The following KDM6A variants were observed in gnomAD, a reference collection of about 807,000 sequenced individuals.
KDM6A encodes lysine demethylase 6A, also known as lysine-specific demethylase 6A.
KDM6A carries 11 observed loss-of-function variants against 117.6 expected under a neutral mutation model. That is an observed-to-expected ratio of 0.09 (90% CI 0.06 to 0.15). KDM6A has a LOEUF of 0.15. KDM6A is among the 10% of genes least tolerant of loss of function. KDM6A has a pLI of 1.00. For missense variants in KDM6A, 799 were observed against 1,077.3 expected, an observed-to-expected ratio of 0.74 and a Z score of 3.62; for synonymous variants, 384 against 396.1, an observed-to-expected ratio of 0.97 and a Z score of 0.36.
At chrX:45,081,902 C>G (rs755993959) in intron 21 of KDM6A, among the ~76,000 whole-genome samples, 1 of 110,122 alleles carries the variant, frequency 9.1e-6, no homozygotes, top group Admixed American at 9.7e-5. Flanking sequence ...CCTCAGCCTC[C>G]CAAGAAGCTG....
chrX:44,962,746 T>C (rs2038742475), intron 3 of KDM6A, among the ~76,000 whole-genome samples: 1 of 112,109 alleles, frequency 8.9e-6, no homozygotes, highest in Non-Finnish European at 1.9e-5. Flanking sequence ...TAGCATTATG[T>C]CTAAAAAATG....
intron 14 of KDM6A, 82 bp from the exon 15 acceptor site, chrX:45,061,242 T>C (rs1433122959): frequency 5.8e-6 from 3 of 516,590 alleles, no homozygotes; most frequent in Non-Finnish European, 1.0e-5. Flanking sequence ...TTCATAGTCA[T>C]TTGGCCTCCT....
At chrX:45,035,586 T>C (rs950814093) in intron 7 of KDM6A, among the ~76,000 whole-genome samples, 1 of 111,654 alleles carries the variant, frequency 9.0e-6, no homozygotes, top group African/African-American at 3.2e-5. Context: ...GATATGTATT[T>C]AGGTATATTT....
rs774709379 is a variant in KDM6A at position 45,034,837 on chromosome X, ATTAT to A, written c.565-91_565-88del. The A allele has an allele frequency of 7.4e-5, 49 of 662,476 alleles. No homozygotes were observed. The African/African-American group carries it at 9.0e-4, about 12-fold the overall frequency. 54.6% of individuals were successfully genotyped at this position (662,476 alleles called of 1,213,427 possible). On this transcript the variant is annotated intron_variant, in intron 6 of 29. Coordinates refer to ENST00000611820, the MANE Select transcript of KDM6A (RefSeq NM_001291415.2). ...TTTATTTGCATAGCATGTATTTATT[ATTAT>A]TTTAGACCTTACATACCTGAAAAGT...
chrX:45,009,461 G>C (rs777583330), intron 4 of KDM6A, among the ~76,000 whole-genome samples: 14 of 111,438 alleles, frequency 1.3e-4, no homozygotes, highest in Non-Finnish European at 2.3e-4. Context: ...ACTGCAACCT[G>C]TTTTTATCAG....
intron 25 of KDM6A, among the ~76,000 whole-genome samples, chrX:45,088,372 G>T: frequency 8.9e-6 from 1 of 112,908 alleles, no homozygotes; most frequent in Non-Finnish European, 1.9e-5. Flanking sequence ...TCCATGAAGG[G>T]CCAGATAATA....
intron 27 of KDM6A, among the ~76,000 whole-genome samples, chrX:45,097,010 A>T (rs1391400197): frequency 8.9e-6 from 1 of 112,119 alleles, no homozygotes; most frequent in African/African-American, 3.2e-5. Context: ...TATATACACC[A>T]TGGATTACTA....
chrX:44,956,572 T>A (rs2038340246), intron 2 of KDM6A, among the ~76,000 whole-genome samples: 2 of 110,608 alleles, frequency 1.8e-5, no homozygotes, highest in Non-Finnish European at 3.8e-5. Context: ...CTGGGTAATT[T>A]TTTTTAATTT....
At position 45,112,612 on chromosome X, in the gene KDM6A, ATAG is replaced by A. The variant is rs1342135674; in HGVS notation, c.*1205_*1207del. ...ACAATTGCTGCCAAAATGTAGTATA[ATAG>A]TAGAAAACAAATAGTGATTGAACTT... On this transcript the variant is annotated 3_prime_UTR_variant, in exon 30 of 30. Transcript: ENST00000611820. 7.7e-6 allele frequency: 1 copy of A among 130,432 alleles called. No individual in the cohort carries two copies. Among genetic ancestry groups the A allele is most frequent in the Non-Finnish European group, 1.6e-5 (1 of 63,701 alleles). The allele number at this position is 130,432 out of a possible 1,213,427, so 10.7% of individuals were successfully genotyped here.
chrX:44,916,684 C>T (rs1259014452), intron 2 of KDM6A, among the ~76,000 whole-genome samples: 1 of 110,614 alleles, frequency 9.0e-6, no homozygotes, highest in East Asian at 2.8e-4. Context: ...GTCTCACTGT[C>T]ACCTAGGCTG....
At chrX:45,081,307 A>G (rs780230121) in intron 21 of KDM6A, among the ~76,000 whole-genome samples, 3 of 112,201 alleles carry the variant, frequency 2.7e-5, no homozygotes, top group African/African-American at 9.7e-5. Context: ...CAGACACTAT[A>G]CATTTAAAGG....
intron 19 of KDM6A, among the ~76,000 whole-genome samples, chrX:45,078,080 A>G (rs2045217562): frequency 1.8e-5 from 2 of 112,374 alleles, no homozygotes; most frequent in African/African-American, 6.5e-5. Flanking sequence ...AGATTCATCC[A>G]TGTTGCAGCA....
chrX:44,951,579 T>C (rs2038004510), intron 2 of KDM6A, among the ~76,000 whole-genome samples: 1 of 110,073 alleles, frequency 9.1e-6, no homozygotes, highest in African/African-American at 3.3e-5. Flanking sequence ...TTTATAATGA[T>C]TTAAAATAAA....
At position 45,043,247 on chromosome X, in the gene KDM6A, G is replaced by A. The variant is rs185950039; in HGVS notation, c.654+5558G>A. 3.1e-3 allele frequency among the ~76,000 whole-genome samples: 347 copies of A among 110,943 alleles called. 1 individual carries two copies. Among genetic ancestry groups the A allele is most frequent in the Non-Finnish European group, 5.7e-3 (299 of 52,912 alleles). On this transcript the variant is annotated intron_variant, in intron 8 of 29. Transcript: ENST00000611820. The stretch of plus-strand genomic sequence containing the variant: ...GGAAGTTGCAGGGATCTGAGATCTC[G>A]CCACTGCGCTCCAGCCTGGGTGACA...
chrX:45,017,093 A>G (rs1332924981), intron 5 of KDM6A, among the ~76,000 whole-genome samples: 1 of 112,207 alleles, frequency 8.9e-6, no homozygotes, highest in African/African-American at 3.2e-5. Context: ...TATAAAAACT[A>G]TATTTTTCAG....
chrX:44,995,373 T>C (rs1210161679), intron 4 of KDM6A, among the ~76,000 whole-genome samples: 1 of 111,828 alleles, frequency 8.9e-6, no homozygotes, highest in African/African-American at 3.3e-5. Context: ...TTAGGAAGGT[T>C]TTTCAGTATG....
chrX:45,095,088 C>G (rs1328370876), intron 27 of KDM6A, among the ~76,000 whole-genome samples: 1 of 111,068 alleles, frequency 9.0e-6, no homozygotes, highest in Admixed American at 9.6e-5. Context: ...GATTCTTTGG[C>G]TTTTAAGTCT....
chrX:45,000,862 A>G (rs1018884599), intron 4 of KDM6A, among the ~76,000 whole-genome samples: 4 of 112,792 alleles, frequency 3.5e-5, no homozygotes, highest in Non-Finnish European at 5.6e-5. Context: ...AGCCCACACC[A>G]GGTCAACTGG....
chrX:45,057,998 G>A (rs2147947633), intron 10 of KDM6A, among the ~76,000 whole-genome samples: 1 of 107,965 alleles, frequency 9.3e-6, no homozygotes, highest in East Asian at 2.9e-4. Flanking sequence ...CTTGGCAAAC[G>A]TGCCATATAC....
Sources: gnomAD v4.1 joint callset for allele counts (sites outside exome capture counted in the v4.1 genomes callset) on GRCh38, gnomAD v4.1.1 for gene constraint, MANE v1.5 for transcripts, NCBI Gene and HGNC (gene_info 2026-07-23, HGNC 2026-07-21) for gene names.